PLCZ1: variants seen among roughly 807,000 people sequenced by gnomAD.
The protein encoded by PLCZ1 is phospholipase C zeta 1.
A neutral mutation model predicts 76.8 loss-of-function variants in PLCZ1; 64 were observed. The observed-to-expected ratio is 0.83, with a 90% confidence interval of 0.68 to 1.03. The LOEUF (loss-of-function observed/expected upper bound fraction) is 1.03. Ranked by LOEUF, PLCZ1 falls within the 50% of genes least tolerant of loss-of-function variation. PLCZ1 has a pLI of 0.00. For synonymous variants in PLCZ1, 248 were observed against 230.8 expected, an observed-to-expected ratio of 1.07 and a Z score of -0.68; for missense variants, 751 against 713.7, an observed-to-expected ratio of 1.05 and a Z score of -0.60.
At chr12:18,735,637 T>C (rs1477126420) in intron 3 of PLCZ1, 2 of 152,504 alleles carry the variant, frequency 1.3e-5, no homozygotes, top group Admixed American at 6.5e-5. Context: ...CCCTTTTTTT[T>C]CTAGATTGTC....
chr12:18,651,445 T>G, the PLCZ1 span, among the ~76,000 whole-genome samples: 47 of 152,218 alleles, frequency 3.1e-4, no homozygotes, highest in Non-Finnish European at 1.6e-4. Flanking sequence ...TTATGTATTT[T>G]GCTTATTATT....
intron 5 of PLCZ1, among the ~76,000 whole-genome samples, chr12:18,719,221 T>G (rs1958288110): frequency 6.6e-6 from 1 of 152,140 alleles, no homozygotes; most frequent in Admixed American, 6.6e-5. Context: ...AAGGAAAGCA[T>G]ATGATACTAA....
At chr12:18,657,506 G>A in the PLCZ1 span, among the ~76,000 whole-genome samples, 1 of 152,122 alleles carries the variant, frequency 6.6e-6, no homozygotes, top group Non-Finnish European at 1.5e-5. Flanking sequence ...CATATGCAAA[G>A]GCTGAAAGAT....
At chr12:18,647,886 A>T in the PLCZ1 span, 1 of 1,550,450 alleles carries the variant, frequency 6.4e-7, no homozygotes, top group East Asian at 2.3e-5. Context: ...GTAGTATATG[A>T]TGAAGTCACA....
At chr12:18,659,663 C>CT in the PLCZ1 span, among the ~76,000 whole-genome samples, 9,168 of 133,774 alleles carry the variant, frequency 0.069, 413 homozygotes, top group Middle Eastern at 0.13. Flanking sequence ...GTTCTCCATT[C>CT]TTTTTTTTTT....
At chr12:18,690,106 C>G (rs914172243) in intron 12 of PLCZ1, among the ~76,000 whole-genome samples, 2 of 152,100 alleles carry the variant, frequency 1.3e-5, no homozygotes, top group Non-Finnish European at 2.9e-5. Context: ...GTTCTCTTTA[C>G]TATTCATAAC....
intron 3 of PLCZ1, among the ~76,000 whole-genome samples, chr12:18,735,514 A>G (rs955819788): frequency 1.3e-5 from 2 of 152,174 alleles, no homozygotes; most frequent in African/African-American, 4.8e-5. Flanking sequence ...CATTGGGATT[A>G]CAGGTACAAA....
At chr12:18,684,495 A>C (rs1444237803) in intron 13 of PLCZ1, among the ~76,000 whole-genome samples, 3 of 152,040 alleles carry the variant, frequency 2.0e-5, no homozygotes, top group African/African-American at 7.2e-5. Flanking sequence ...AGAATGGATC[A>C]ACTCAATTAA....
At chr12:18,665,169 A>AT in the PLCZ1 span, among the ~76,000 whole-genome samples, 26 of 150,274 alleles carry the variant, frequency 1.7e-4, no homozygotes, top group Non-Finnish European at 1.8e-4. Flanking sequence ...ATAATAAAAA[A>AT]TAAAAAAAAA....
chr12:18,652,007 G>A, the PLCZ1 span, among the ~76,000 whole-genome samples: 4 of 152,060 alleles, frequency 2.6e-5, no homozygotes, highest in Non-Finnish European at 5.9e-5. Context: ...TATTGGAGGA[G>A]AATAAAACAT....
chr12:18,664,861 C>G, the PLCZ1 span, among the ~76,000 whole-genome samples: 4 of 151,294 alleles, frequency 2.6e-5, no homozygotes, highest in Non-Finnish European at 5.9e-5. Context: ...TTTGTAGGGA[C>G]ATGGATGAAA....
chr12:18,668,778 C>A, the PLCZ1 span, among the ~76,000 whole-genome samples: 1 of 152,166 alleles, frequency 6.6e-6, no homozygotes, highest in Non-Finnish European at 1.5e-5. Flanking sequence ...ATGCTGCCTG[C>A]TGATATTCAC....
intron 14 of PLCZ1, chr12:18,683,621 C>T (rs1952653989): frequency 7.1e-7 from 1 of 1,405,204 alleles, no homozygotes; most frequent in Non-Finnish European, 9.4e-7. Flanking sequence ...TTCCTAGGCA[C>T]ATCTCAGATG....
At chr12:18,661,857 A>T in the PLCZ1 span, among the ~76,000 whole-genome samples, 2 of 152,170 alleles carry the variant, frequency 1.3e-5, no homozygotes, top group South Asian at 4.1e-4. Context: ...GACAATAGGA[A>T]TCAACCTATG....
intron 3 of PLCZ1, among the ~76,000 whole-genome samples, chr12:18,728,247 T>A (rs1958862370): frequency 6.6e-6 from 1 of 152,230 alleles, no homozygotes. Context: ...TCTACTGTTA[T>A]GTGAGATATG....
At chr12:18,735,999 G>T in intron 3 of PLCZ1, 1 of 430,754 alleles carries the variant, frequency 2.3e-6, no homozygotes, top group African/African-American at 2.0e-5. Context: ...TAGCATTTCT[G>T]TATGCTCAGG....
At position 18,683,243 on chromosome 12, in the gene PLCZ1, C is replaced by G. The variant is rs1565641278; in HGVS notation, c.1823G>C (p.Arg608Thr). ...TATGTCATTTATCATTAGCTGTTATCTGACGTACCAAACATAAACAAACAG... is the reference window on the plus strand; with the variant it reads ...TATGTCATTTATCATTAGCTGTTATGTGACGTACCAAACATAAACAAACAG... ...ASLFVYVWYV[R>T] The change falls in exon 15 of 15, where the codon AGA (arginine) becomes ACA (threonine). Residue 608 changes from arginine (R) to threonine (T), a missense_variant. Physicochemically the swap from Arg to Thr is moderately conservative, Grantham distance 71. Transcript: ENST00000266505. 1 of 1,612,122 alleles carries G rather than the reference C, an allele frequency of 6.2e-7. No individual in the cohort carries two copies. The highest frequency in any genetic ancestry group is 8.5e-7 in the Non-Finnish European group (1 of 1,178,650).
chr12:18,660,206 G>C, the PLCZ1 span, among the ~76,000 whole-genome samples: 1 of 152,068 alleles, frequency 6.6e-6, no homozygotes, highest in Non-Finnish European at 1.5e-5. Context: ...CTCAGCAGTG[G>C]CTATCCATCC....
the PLCZ1 span, among the ~76,000 whole-genome samples, chr12:18,651,053 C>T: frequency 6.6e-6 from 1 of 151,832 alleles, no homozygotes. Flanking sequence ...TTAAAATAAC[C>T]TAAAAGGCCC....
Sources: allele counts gnomAD v4.1 joint callset (sites outside exome capture counted in the v4.1 genomes callset), GRCh38; gene constraint gnomAD v4.1.1; transcripts MANE v1.5; gene names NCBI Gene and HGNC (gene_info 2026-07-23, HGNC 2026-07-21).